ZC3H18: variants seen among roughly 807,000 people sequenced by gnomAD.
ZC3H18 encodes zinc finger CCCH-type containing 18.
Under a neutral mutation model 106.1 loss-of-function variants are expected in ZC3H18, and 8 were observed. That is an observed-to-expected ratio of 0.08 (90% CI 0.04 to 0.14). The LOEUF (loss-of-function observed/expected upper bound fraction) is 0.14. Among genes scored for constraint, ZC3H18 ranks in the 10% least tolerant of loss-of-function variants. The probability of loss-of-function intolerance (pLI) is 1.00; values close to 1 mark genes in which losing one functional copy is unlikely to be tolerated. For synonymous variants in ZC3H18, 635 were observed against 522.1 expected, an observed-to-expected ratio of 1.22 and a Z score of -2.95; for missense variants, 1,318 against 1,278.4, an observed-to-expected ratio of 1.03 and a Z score of -0.47.
At position 88,623,994 on chromosome 16, in the gene ZC3H18, A is replaced by G. The variant is rs764880222; in HGVS notation, c.1830A>G (p.Pro610=). 6.2e-7 allele frequency: 1 copy of G among 1,612,872 alleles called. No individual in the cohort carries two copies. The highest frequency in any genetic ancestry group is 8.5e-7 in the Non-Finnish European group (1 of 1,179,474). ...RSFSSSPSPS[P]TPSPHRPSIR... ...TCTCTTCGTCCCCGTCCCCGTCCCC[A>G]ACACCTTCCCCACATAGACCTTCCA... Residue 610 remains proline, a synonymous_variant, in exon 11 of 18, where the codon CCA becomes CCG. Transcript: ENST00000301011.
intron 8 of ZC3H18, among the ~76,000 whole-genome samples, chr16:88,611,988 C>T (rs1221687280): frequency 6.6e-6 from 1 of 152,040 alleles, no homozygotes. Flanking sequence ...TGTTGCTGGC[C>T]AGGGTGAGGC....
chr16:88,625,432 G>A, intron 13 of ZC3H18, 165 bp downstream of exon 13: 1 of 775,792 alleles, frequency 1.3e-6, no homozygotes, highest in Non-Finnish European at 2.1e-6. Context: ...CTTTGACACA[G>A]GAGAAAATGG....
intron 3 of ZC3H18, among the ~76,000 whole-genome samples, chr16:88,589,619 T>G (rs534025380): frequency 6.6e-6 from 1 of 150,562 alleles, no homozygotes; most frequent in East Asian, 2.0e-4. Context: ...GGACGAGCCT[T>G]GAAGACGTGC....
At chr16:88,614,934 C>G (rs2142764154) in intron 8 of ZC3H18, among the ~76,000 whole-genome samples, 1 of 152,216 alleles carries the variant, frequency 6.6e-6, no homozygotes. Flanking sequence ...GCCCCCATTT[C>G]CTCCATTCCG....
rs746786054 is a variant in ZC3H18, at chr16:88,622,339, A to G, written c.1618A>G (p.Arg540Gly). The G allele has an allele frequency of 1.9e-6, 3 of 1,613,580 alleles. No homozygotes were observed. The highest frequency in any genetic ancestry group is 2.5e-6 in the Non-Finnish European group (3 of 1,179,768). The change falls in exon 9 of 18, where the codon AGG becomes GGG. Residue 540 changes from arginine to glycine, a missense_variant. Physicochemically the swap from Arg to Gly is moderately radical, Grantham distance 125. Around this residue, in one of 6 missense-constraint regions of ZC3H18, gnomAD observed 848 missense variants for 821.7 expected, o/e 1.03. Transcript: ENST00000301011. The stretch of plus-strand genomic sequence containing the variant: ...GTCGGTCTCCCCGAGCCGGGCTCGA[A>G]GGCGTCGGAAAACATCAGCCTCGTC... ...GVSVSPSRAR[R>G]RRKTSASSAS...
chr16:88,610,224 C>G (rs576323080), intron 7 of ZC3H18, among the ~76,000 whole-genome samples: 1 of 152,120 alleles, frequency 6.6e-6, no homozygotes, highest in Non-Finnish European at 1.5e-5. Flanking sequence ...GGTGATTTGA[C>G]GAAGTTGCCC....
chr16:88,611,028 G>A (rs754873115), intron 7 of ZC3H18, among the ~76,000 whole-genome samples: 1 of 152,226 alleles, frequency 6.6e-6, no homozygotes, highest in African/African-American at 2.4e-5. Flanking sequence ...CTGGGAATGA[G>A]ATGAGATCCC....
intron 6 of ZC3H18, among the ~76,000 whole-genome samples, chr16:88,608,354 CT>C (rs879451765): frequency 1.9e-3 from 281 of 146,154 alleles, no homozygotes; most frequent in African/African-American, 5.1e-3. Context: ...ATTTTCTTTC[CT>C]TTTTTTTTTT....
At position 88,600,090 on chromosome 16, in the gene ZC3H18, GCATT is replaced by G. The variant is rs919208210; in HGVS notation, c.1088+145_1088+148del. ...TGGAGTCTCAGTGACGTTCCTGAGA[GCATT>G]CAGGCACGGTTCTCAGAGCTCATCT... is the stretch of plus-strand genomic sequence containing the variant. On this transcript the variant is annotated intron_variant, in intron 6 of 17. Transcript: ENST00000301011. 4 of 1,083,912 alleles carry G rather than the reference GCATT, an allele frequency of 3.7e-6. No homozygotes were observed. In the African/African-American group the frequency reaches 6.4e-5, roughly 17 times the overall value. 67.1% of individuals were successfully genotyped at this position (1,083,912 alleles called of 1,614,324 possible).
rs1904515136 is a variant in ZC3H18, at chr16:88,597,740, C to T, written c.689-438C>T. On this transcript the variant is annotated intron_variant, in intron 3 of 17. Coordinates refer to ENST00000301011, the MANE Select transcript of ZC3H18 (RefSeq NM_144604.4). ...GAGGTGGCCAAGGGGACCCTGAGCA[C>T]ACCTGCAGGCTTCTGATCATTGTTA... 2.0e-5 allele frequency among the ~76,000 whole-genome samples: 3 copies of T among 152,202 alleles called. No homozygotes were observed. The East Asian group carries it at 5.8e-4, about 29-fold the overall frequency.
At chr16:88,587,739 C>T in intron 3 of ZC3H18, 3 of 959,668 alleles carry the variant, frequency 3.1e-6, no homozygotes, top group Admixed American at 2.3e-5. Context: ...CTTTGAGGGG[C>T]AGAGAGCTGT....
At chr16:88,625,620 G>A (rs528649776) in intron 13 of ZC3H18, 138 of 307,648 alleles carry the variant, frequency 4.5e-4, no homozygotes, top group Non-Finnish European at 7.6e-4. Context: ...CAGAGGCTGG[G>A]CCTGCGTGAC....
In ZC3H18 at chr16:88,631,473, C is replaced by T. The variant is rs561162733; in HGVS notation, c.*174C>T. On this transcript the variant is annotated 3_prime_UTR_variant, in exon 18 of 18. Transcript: ENST00000301011. ...AGGAAATGACAACGACGCTGAATCC[C>T]AGCCTCCCTCCCCAGAGCAGAAGTC... 9.8e-5 allele frequency: 83 copies of T among 847,282 alleles called. No homozygotes were observed. In the Admixed American group the frequency reaches 1.8e-3, roughly 19 times the overall value. 52.5% of individuals were successfully genotyped at this position (847,282 alleles called of 1,614,324 possible).
chr16:88,590,753 T>A (rs2142616509), intron 3 of ZC3H18, among the ~76,000 whole-genome samples: 1 of 151,108 alleles, frequency 6.6e-6, no homozygotes, highest in African/African-American at 2.4e-5. Flanking sequence ...AGACATGGGG[T>A]TTCATCATGT....
At chr16:88,589,678 A>G (rs7201455) in intron 3 of ZC3H18, among the ~76,000 whole-genome samples, 12,073 of 152,066 alleles carry the variant, frequency 0.079, 543 homozygotes, top group Middle Eastern at 0.099. Flanking sequence ...AGAGACAGAA[A>G]GTAGATTGTG....
intron 3 of ZC3H18, chr16:88,587,441 C>G: frequency 1.0e-6 from 1 of 1,004,754 alleles, no homozygotes; most frequent in Non-Finnish European, 1.5e-6. Flanking sequence ...AGGTGTTTTT[C>G]TCTTTTCTCT....
At position 88,627,250 on chromosome 16, in the gene ZC3H18, A is replaced by G. The variant is rs547946247; in HGVS notation, c.2109-372A>G. The stretch of plus-strand genomic sequence containing the variant: ...ACGCCCGGCTAATTTTTGTATTTTT[A>G]GTAGAGATGGGGTTTTACCATGTTG... On this transcript the variant is annotated intron_variant, in intron 13 of 17. Transcript: ENST00000301011. This position sits in a 1 kb window ranked among gnomAD's most constrained non-coding sequence, Gnocchi z 4.5. The G allele has an allele frequency of 1.2e-5, 2 of 165,008 alleles. No individual in the cohort carries two copies. Among genetic ancestry groups the G allele is most frequent in the East Asian group, 3.5e-4 (2 of 5,794 alleles). The allele number at this position is 165,008 out of a possible 1,614,324, so 10.2% of individuals were successfully genotyped here. A position where few individuals can be genotyped will look rare whatever the true frequency, so the allele number is the denominator to read the frequency against.
At chr16:88,586,472 T>G (rs72809432) in intron 2 of ZC3H18, 128 bp from the exon 3 acceptor site, 63,304 of 774,404 alleles carry the variant, frequency 0.082, 3,018 homozygotes, top group Non-Finnish European at 0.099. Flanking sequence ...TTTGGAAAAT[T>G]GACGTGAATT....
intron 5 of ZC3H18, among the ~76,000 whole-genome samples, chr16:88,599,194 G>A (rs993198264): frequency 2.6e-5 from 4 of 151,886 alleles, no homozygotes; most frequent in African/African-American, 7.2e-5. Flanking sequence ...AAAGCCTGGC[G>A]AGGCTGCCCG....
Sources: allele counts gnomAD v4.1 joint callset (sites outside exome capture counted in the v4.1 genomes callset), GRCh38; gene constraint gnomAD v4.1.1; regional missense constraint gnomAD v4.1.1; non-coding constraint Gnocchi (gnomAD v3.1); transcripts MANE v1.5; gene names NCBI Gene and HGNC (gene_info 2026-07-23, HGNC 2026-07-21).